The following RNF213 variants were observed in gnomAD, a reference collection of about 807,000 sequenced individuals.
RNF213 encodes E3 ubiquitin-protein ligase RNF213.
In RNF213, 341 loss-of-function variants were observed where a neutral mutation model predicts 514.4. That is an observed-to-expected ratio of 0.66 (90% CI 0.61 to 0.73). The LOEUF (loss-of-function observed/expected upper bound fraction) is 0.73, where lower values mean the gene tolerates loss of function less well. Among genes scored for constraint, RNF213 ranks in the 30% least tolerant of loss-of-function variants. The pLI is 0.00. For synonymous variants in RNF213, 2,655 were observed against 2,658.2 expected (o/e 1.00, Z 0.04); for missense variants, 5,767 against 6,615.6 (o/e 0.87, Z 4.45).
At chr17:80,270,382 C>G (rs961590394) in intron 2 of RNF213, among the ~76,000 whole-genome samples, 2 of 152,252 alleles carry the variant, frequency 1.3e-5, no homozygotes, top group African/African-American at 4.8e-5. Flanking sequence ...TTCCCAGCCA[C>G]TAGCCTGCTG....
chr17:80,355,780 T>TTA (rs1234965934), intron 36 of RNF213, among the ~76,000 whole-genome samples: 20 of 114,498 alleles, frequency 1.7e-4, no homozygotes, highest in Admixed American at 8.5e-4. Flanking sequence ...GAATGGGGGC[T>TTA]CATGGAGGAA....
chr17:80,372,706 T>C lies in RNF213; in HGVS notation c.12723T>C (p.Asp4241=). The change falls in exon 48 of 68, where the codon GAT becomes GAC. Residue 4241 remains aspartate (D), a synonymous_variant. Transcript: ENST00000582970. The stretch of plus-strand genomic sequence containing the variant: ...GCCTCTGCCTCGACAGAGCTGCAGA[T>C]TTCCTCTCGGAGCCTGAGGGAGGCC... ...RIRLCLDRAA[D]FLSEPEGGPE... 2 of 1,613,764 alleles carry C rather than the reference T, an allele frequency of 1.2e-6. No individual in the cohort carries two copies. Among genetic ancestry groups the C allele is most frequent in the Non-Finnish European group, 1.7e-6 (2 of 1,180,022 alleles).
intron 14 of RNF213, among the ~76,000 whole-genome samples, chr17:80,312,432 C>T (rs2045603009): frequency 6.6e-6 from 1 of 150,460 alleles, no homozygotes; most frequent in Non-Finnish European, 1.5e-5. Flanking sequence ...CCAGGTTTAC[C>T]TCCGGGTCAG....
rs1466338244 is a variant in RNF213 at position 80,315,249 on chromosome 17, GTGGACGTGA to G, written c.2812-1935_2812-1927del. On this transcript the variant is annotated intron_variant, in intron 15 of 67. Transcript: ENST00000582970. Reference sequence around the variant, plus strand: ...GGTGGAGGTACTGGAGGTGATGGTGGTGGACGTGATGGTGGAGGTAATGGAGGTGATGGT... The same window carrying G: ...GGTGGAGGTACTGGAGGTGATGGTGGTGGTGGAGGTAATGGAGGTGATGGT... Among the ~76,000 whole-genome samples, 10 of 38,752 alleles carry G rather than the reference GTGGACGTGA, an allele frequency of 2.6e-4. 1 individual carries two copies. Among genetic ancestry groups the G allele is most frequent in the African/African-American group, 1.3e-3 (6 of 4,726 alleles). 25.4% of individuals were successfully genotyped at this position (38,752 alleles called of 152,430 possible).
intron 26 of RNF213, among the ~76,000 whole-genome samples, chr17:80,342,236 A>T (rs1414603569): frequency 2.0e-5 from 3 of 152,164 alleles, no homozygotes; most frequent in African/African-American, 7.2e-5. Flanking sequence ...CGGCTCTACC[A>T]TCTGGGTTTC....
At chr17:80,306,490 T>C (rs1329900514) in intron 12 of RNF213, 22 bp downstream of exon 12, 1 of 1,608,162 alleles carries the variant, frequency 6.2e-7, no homozygotes, top group Non-Finnish European at 8.5e-7. Flanking sequence ...AAGTCGGCTC[T>C]GGAGTCCTGG....
At chr17:80,305,587 T>C (rs1370827141) in intron 11 of RNF213, among the ~76,000 whole-genome samples, 1 of 151,596 alleles carries the variant, frequency 6.6e-6, no homozygotes, top group African/African-American at 2.4e-5. Context: ...TTCTGAATTC[T>C]ATATTAAGTT....
At chr17:80,295,299 G>A (rs1299874217) in intron 9 of RNF213, among the ~76,000 whole-genome samples, 2 of 152,188 alleles carry the variant, frequency 1.3e-5, no homozygotes, top group African/African-American at 2.4e-5. Context: ...CCCACACTGC[G>A]GTGCAGCCTG....
rs1041722200 is a variant in RNF213 at position 80,295,753 on chromosome 17, A to G, written c.1952A>G (p.Asp651Gly). The G allele has an allele frequency of 1.2e-6, 2 of 1,614,082 alleles. No individual in the cohort carries two copies. Among genetic ancestry groups the G allele is most frequent in the African/African-American group, 2.7e-5 (2 of 74,932 alleles). Residue 651 changes from aspartate (D) to glycine (G), a missense_variant, in exon 10 of 68, where the codon GAT becomes GGT. Physicochemically the swap from Asp to Gly is moderately conservative, Grantham distance 94. Transcript: ENST00000582970. ...TGGTTGTGTCACCTCCTAACCTCAG[A>G]TGCCAGCTCACCAGATGAGTTTCAC... ...LDWLCHLLTSDASSPDEFHRD... is the reference protein window; with the variant it reads ...LDWLCHLLTSGASSPDEFHRD...
chr17:80,309,512 T>C (rs1297109712), intron 14 of RNF213, among the ~76,000 whole-genome samples: 1 of 152,188 alleles, frequency 6.6e-6, no homozygotes, highest in Admixed American at 6.5e-5. Flanking sequence ...TTTTCTTTTT[T>C]CTTGATTCTG....
chr17:80,374,531 A>C lies in RNF213; in HGVS notation c.13016A>C (p.Asp4339Ala), dbSNP rs1269590752. Reference sequence around the variant, plus strand: ...GGCGATGAATACAAGGCTCTCCGTGATGCTGTGGCCAAAGCTGTCCTCGAG... The same window carrying C: ...GGCGATGAATACAAGGCTCTCCGTGCTGCTGTGGCCAAAGCTGTCCTCGAG... Reference protein sequence around the residue: ...VYGDEYKALRDAVAKAVLECK... With the variant: ...VYGDEYKALRAAVAKAVLECK... The change falls in exon 50 of 68, where the codon GAT (aspartate) becomes GCT (alanine). Residue 4339 changes from aspartate (D) to alanine (A), a missense_variant. By Grantham distance (126) the Asp-to-Ala change is moderately radical. Transcript: ENST00000582970. 1.2e-6 allele frequency: 2 copies of C among 1,614,078 alleles called. No homozygotes were observed. Among genetic ancestry groups the C allele is most frequent in the Non-Finnish European group, 1.7e-6 (2 of 1,180,042 alleles).
chr17:80,307,309 C>G, intron 13 of RNF213, 108 bp downstream of exon 13: 1 of 725,470 alleles, frequency 1.4e-6, no homozygotes, highest in Non-Finnish European at 2.4e-6. Context: ...ACAGCAAGGT[C>G]ATAAATTAAT....
At position 80,306,366 on chromosome 17, in the gene RNF213, A is replaced by C. The variant is rs1056204971; in HGVS notation, c.2325A>C (p.Glu775Asp). 2.5e-6 allele frequency: 4 copies of C among 1,614,162 alleles called. No homozygotes were observed. Among genetic ancestry groups the C allele is most frequent in the Non-Finnish European group, 3.4e-6 (4 of 1,180,034 alleles). The change falls in exon 12 of 68, where the codon GAA becomes GAC. Residue 775 changes from glutamate (E) to aspartate (D), a missense_variant. Coordinates refer to ENST00000582970, the MANE Select transcript of RNF213 (RefSeq NM_001256071.3). Reference protein sequence around the residue: ...LPLSHLVMYMENFIEHLGRFP... With the variant: ...LPLSHLVMYMDNFIEHLGRFP... ...TGAGTCACCTGGTTATGTATATGGAAAACTTCATTGAGCACCTGGGTCGTT... is the reference window on the plus strand; with the variant it reads ...TGAGTCACCTGGTTATGTATATGGACAACTTCATTGAGCACCTGGGTCGTT...
At chr17:80,360,594 G>A (rs1259124331) in intron 38 of RNF213, among the ~76,000 whole-genome samples, 1 of 152,122 alleles carries the variant, frequency 6.6e-6, no homozygotes, top group African/African-American at 2.4e-5. Flanking sequence ...ATGCCCCCAG[G>A]AGAGGCGTTC....
chr17:80,351,236 T>C (rs1456200865), intron 31 of RNF213, among the ~76,000 whole-genome samples: 1 of 152,212 alleles, frequency 6.6e-6, no homozygotes, highest in Non-Finnish European at 1.5e-5. Flanking sequence ...TAATCCTAGC[T>C]ACTTGGGAAG....
At chr17:80,373,689 G>T (rs2079617320) in intron 49 of RNF213, among the ~76,000 whole-genome samples, 1 of 152,146 alleles carries the variant, frequency 6.6e-6, no homozygotes, top group South Asian at 2.1e-4. Context: ...AGGAATAGAA[G>T]AATTGCAGAA....
At position 80,353,993 on chromosome 17, in the gene RNF213, G is replaced by T; in HGVS notation, c.10579-26G>T. ...GCCCACTGTGTCAGTGGCAGAAACG[G>T]ATGACCCAACCGTCTCCACCAACAG... On this transcript the variant is annotated intron_variant, in intron 34 of 67. Transcript: ENST00000582970. This position sits in a 1 kb window ranked among gnomAD's most constrained non-coding sequence, Gnocchi z 5.0. 6.2e-7 allele frequency: 1 copy of T among 1,613,456 alleles called. No individual in the cohort carries two copies. The highest frequency in any genetic ancestry group is 1.1e-5 in the South Asian group (1 of 91,064).
At chr17:80,389,150 C>G (rs770089243) in intron 64 of RNF213, 23 bp from the exon 65 acceptor site, 1 of 1,611,640 alleles carries the variant, frequency 6.2e-7, no homozygotes, top group East Asian at 2.2e-5. Flanking sequence ...ACAGACATCC[C>G]TCTCCTGCTT....
intron 67 of RNF213, among the ~76,000 whole-genome samples, 164 bp downstream of exon 67, chr17:80,390,360 C>T (rs1235448334): frequency 2.0e-5 from 3 of 152,162 alleles, no homozygotes; most frequent in Non-Finnish European, 4.4e-5. Context: ...GTTTTAATCT[C>T]TACTGGGTTT....
Sources: gnomAD v4.1 joint callset for allele counts (sites outside exome capture counted in the v4.1 genomes callset) on GRCh38, gnomAD v4.1.1 for gene constraint, Gnocchi (gnomAD v3.1) non-coding constraint, MANE v1.5 for transcripts, NCBI Gene and HGNC (gene_info 2026-07-23, HGNC 2026-07-21) for gene names.